NUP107: variants seen among roughly 807,000 people sequenced by gnomAD.
The protein encoded by NUP107 is nuclear pore complex protein Nup107.
NUP107 carries 101 observed loss-of-function variants against 141.0 expected under a neutral mutation model. That is an observed-to-expected ratio of 0.72 (90% CI 0.61 to 0.84). The LOEUF is 0.84. NUP107 is among the 40% of genes least tolerant of loss of function. The pLI, the probability that NUP107 is intolerant of heterozygous loss-of-function variation, is 0.00. For missense variants in NUP107, 941 were observed against 1,102.7 expected, an observed-to-expected ratio of 0.85 and a Z score of 2.08; for synonymous variants, 319 against 363.9, an observed-to-expected ratio of 0.88 and a Z score of 1.41.
chr12:68,695,110 C>T (rs1565686477), intron 5 of NUP107, among the ~76,000 whole-genome samples: 1 of 152,124 alleles, frequency 6.6e-6, no homozygotes, highest in African/African-American at 2.4e-5. Context: ...AACAAAAACC[C>T]AGAAAATAAC....
Position 68,690,712 on chromosome 12 carries a change from C to T in NUP107, c.269C>T (p.Thr90Met), listed in dbSNP as rs373855647. The change falls in exon 4 of 28, where the codon ACG (threonine) becomes ATG (methionine). Residue 90 changes from threonine (T) to methionine (M), a missense_variant. Coordinates refer to ENST00000229179, the MANE Select transcript of NUP107 (RefSeq NM_020401.4). The stretch of plus-strand genomic sequence containing the variant: ...ACAGGAGGGAAGTCGCCCCGACTTA[C>T]GCAGTCTTCAGGGTTCTTTGGAAAT... ...LGTGGKSPRL[T>M]QSSGFFGNLS... is the part of the protein sequence containing the mutation. 415 of 1,614,152 alleles carry T rather than the reference C, an allele frequency of 2.6e-4. 1 individual carries two copies. The highest frequency in any genetic ancestry group is 3.2e-4 in the Non-Finnish European group (373 of 1,180,020).
chr12:68,734,270 T>C (rs1358578779), intron 24 of NUP107, among the ~76,000 whole-genome samples: 1 of 152,070 alleles, frequency 6.6e-6, no homozygotes, highest in African/African-American at 2.4e-5. Context: ...CCAGTCTGGG[T>C]GACAGAGCAA....
intron 10 of NUP107, 59 bp from the exon 11 acceptor site, chr12:68,713,671 T>A (rs537251519): frequency 1.9e-4 from 231 of 1,190,416 alleles, no homozygotes; most frequent in African/African-American, 1.8e-3. Flanking sequence ...TTTGATTTTT[T>A]AAAAATAGAC....
At chr12:68,723,227 G>A (rs1005411899) in intron 17 of NUP107, among the ~76,000 whole-genome samples, 1 of 151,886 alleles carries the variant, frequency 6.6e-6, no homozygotes, top group Non-Finnish European at 1.5e-5. Flanking sequence ...AATTAGCTGG[G>A]TATGGTGGTG....
intron 15 of NUP107, 36 bp downstream of exon 15, chr12:68,721,213 T>C: frequency 7.3e-7 from 1 of 1,370,250 alleles, no homozygotes; most frequent in Non-Finnish European, 1.0e-6. Context: ...ATTTTTTCTG[T>C]GGAGTAAAAT....
chr12:68,742,377 G>T lies in NUP107; in HGVS notation c.2693G>T (p.Arg898Met). The T allele has an allele frequency of 6.2e-7, 1 of 1,609,852 alleles. No individual in the cohort carries two copies. Among genetic ancestry groups the T allele is most frequent in the Non-Finnish European group, 8.5e-7 (1 of 1,176,936 alleles). ...LYLVFSKEEL[R>M]KLLQKLRESS... ...CAGGTATTTTCTAAGGAAGAGCTAAGGAAGTTGCTGCAGAAGCTCAGAGAG... is the reference window on the plus strand; with the variant it reads ...CAGGTATTTTCTAAGGAAGAGCTAATGAAGTTGCTGCAGAAGCTCAGAGAG... Residue 898 changes from arginine to methionine, a missense_variant, in exon 28 of 28, where the codon AGG becomes ATG. Arg to Met is a moderately conservative substitution (Grantham distance 91). Transcript: ENST00000229179.
intron 17 of NUP107, among the ~76,000 whole-genome samples, chr12:68,725,301 T>C (rs1016622568): frequency 1.3e-5 from 2 of 152,190 alleles, no homozygotes; most frequent in Non-Finnish European, 2.9e-5. Context: ...CTTGGTGCCA[T>C]GTACAGAAGA....
intron 8 of NUP107, among the ~76,000 whole-genome samples, chr12:68,704,970 A>T (rs1268555503): frequency 6.6e-6 from 1 of 151,386 alleles, no homozygotes. Context: ...GCAGCCTCGA[A>T]CTCTTGGGCT....
At chr12:68,722,537 A>C (rs1201924641) in intron 17 of NUP107, among the ~76,000 whole-genome samples, 1 of 152,178 alleles carries the variant, frequency 6.6e-6, no homozygotes, top group East Asian at 1.9e-4. Flanking sequence ...TAATTTTAGA[A>C]TGTATAAATA....
chr12:68,714,383 T>C (rs1877009705), intron 11 of NUP107: 2 of 152,258 alleles, frequency 1.3e-5, no homozygotes, highest in African/African-American at 4.8e-5. Context: ...GTTTGGAAAC[T>C]ACTCTTAACA....
At chr12:68,735,549 A>G (rs1308462436) in intron 26 of NUP107, among the ~76,000 whole-genome samples, 1 of 152,226 alleles carries the variant, frequency 6.6e-6, no homozygotes, top group Non-Finnish European at 1.5e-5. Flanking sequence ...CACATTTACT[A>G]TGTTCACAGA....
At chr12:68,687,277 A>T in intron 1 of NUP107, 1 of 709,782 alleles carries the variant, frequency 1.4e-6, no homozygotes, top group Non-Finnish European at 2.2e-6. Flanking sequence ...AGATCATAAT[A>T]GTCCCTTACT....
intron 7 of NUP107, among the ~76,000 whole-genome samples, chr12:68,702,096 C>T (rs1279066612): frequency 6.6e-6 from 1 of 152,200 alleles, no homozygotes; most frequent in Non-Finnish European, 1.5e-5. Context: ...TTAAGCGATT[C>T]TCCTGTCTCA....
chr12:68,687,016 G>A lies in NUP107; in HGVS notation c.-50G>A, dbSNP rs559841541. On this transcript the variant is annotated 5_prime_UTR_variant, in exon 1 of 28. Transcript: ENST00000229179. The stretch of plus-strand genomic sequence containing the variant: ...CCGGAGAGCGGGAAGGCTAAAACGC[G>A]GTAGCTAAACTGCAGCCAACTTTGG... 9 of 1,613,802 alleles carry A rather than the reference G, an allele frequency of 5.6e-6. No homozygotes were observed. Among genetic ancestry groups the A allele is most frequent in the African/African-American group, 5.3e-5 (4 of 75,064 alleles).
chr12:68,699,000 A>G (rs1337364528), intron 6 of NUP107, among the ~76,000 whole-genome samples: 1 of 152,082 alleles, frequency 6.6e-6, no homozygotes, highest in Non-Finnish European at 1.5e-5. Context: ...AGTGTTAGAT[A>G]TTGATGGTGA....
rs562762354 is a variant in NUP107 at position 68,702,154 on chromosome 12, A to C, written c.681-582A>C. 9.2e-5 allele frequency among the ~76,000 whole-genome samples: 14 copies of C among 152,218 alleles called. No homozygotes were observed. The South Asian group carries it at 2.9e-3, about 32-fold the overall frequency. On this transcript the variant is annotated intron_variant, in intron 7 of 27. Transcript: ENST00000229179. Reference sequence around the variant, plus strand: ...GAGGCGCATGCCAACACGCTTGGCTAATTTTTATATTTTTAGTAGAGACAG... The same window carrying C: ...GAGGCGCATGCCAACACGCTTGGCTCATTTTTATATTTTTAGTAGAGACAG...
At position 68,741,849 on chromosome 12, in the gene NUP107, G is replaced by T. The variant is rs1167503764; in HGVS notation, c.2539G>T (p.Val847Phe). ...AGACCATGAAAGAACACATCAAATG[G>T]TCTTACTGAGAAAGCTTTGTCTGCC... ...KEDHERTHQM[V>F]LLRKLCLPML... is the part of the protein sequence containing the mutation. Residue 847 changes from valine to phenylalanine, a missense_variant, in exon 27 of 28, where the codon GTC becomes TTC. Physicochemically the swap from Val to Phe is conservative, Grantham distance 50. Coordinates refer to ENST00000229179, the MANE Select transcript of NUP107 (RefSeq NM_020401.4). 1 of 1,613,012 alleles carries T rather than the reference G, an allele frequency of 6.2e-7. No homozygotes were observed. The highest frequency in any genetic ancestry group is 8.5e-7 in the Non-Finnish European group (1 of 1,179,666).
chr12:68,721,694 AG>A (rs1369249480), intron 15 of NUP107, 146 bp from the exon 16 acceptor site: 1 of 709,142 alleles, frequency 1.4e-6, no homozygotes, highest in Non-Finnish European at 2.3e-6. Context: ...GGCGGAGGAA[AG>A]GTTATTTGGC....
Position 68,686,994 on chromosome 12 carries a change from G to C in NUP107, c.-72G>C. 1.9e-6 allele frequency: 3 copies of C among 1,604,070 alleles called. No individual in the cohort carries two copies. Among genetic ancestry groups the C allele is most frequent in the Non-Finnish European group, 2.6e-6 (3 of 1,170,978 alleles). Reference sequence around the variant, plus strand: ...TTCCGGGTCGAAGGGCTTGCTTCCGGAGAGCGGGAAGGCTAAAACGCGGTA... The same window carrying C: ...TTCCGGGTCGAAGGGCTTGCTTCCGCAGAGCGGGAAGGCTAAAACGCGGTA... On this transcript the variant is annotated 5_prime_UTR_variant, in exon 1 of 28. Transcript: ENST00000229179.
Sources: allele counts gnomAD v4.1 joint callset (sites outside exome capture counted in the v4.1 genomes callset), GRCh38; gene constraint gnomAD v4.1.1; transcripts MANE v1.5; gene names NCBI Gene and HGNC (gene_info 2026-07-23, HGNC 2026-07-21).